The following SUMF1 variants were observed in gnomAD, a reference collection of about 807,000 sequenced individuals.
SUMF1 encodes the protein sulfatase modifying factor 1.
SUMF1 carries 48 observed loss-of-function variants against 47.6 expected under a neutral mutation model. The ratio of observed to expected loss-of-function variants is 1.01; its 90% CI spans 0.80 to 1.28. The LOEUF (loss-of-function observed/expected upper bound fraction) is 1.28, where lower values mean the gene tolerates loss of function less well. Among genes scored for constraint, SUMF1 ranks in the 50% most tolerant of loss-of-function variants. The pLI, the probability that SUMF1 is intolerant of heterozygous loss-of-function variation, is 0.00. For missense variants in SUMF1, 571 were observed against 485.4 expected, an observed-to-expected ratio of 1.18 and a Z score of -1.66; for synonymous variants, 230 against 192.1, an observed-to-expected ratio of 1.20 and a Z score of -1.63.
At chr3:4,130,844 C>A (rs956199264) in intron 8 of SUMF1, among the ~76,000 whole-genome samples, 2 of 152,102 alleles carry the variant, frequency 1.3e-5, no homozygotes, top group African/African-American at 2.4e-5. Context: ...GGGTCCAGAA[C>A]AAGAGAAGGC....
intron 8 of SUMF1, among the ~76,000 whole-genome samples, chr3:4,162,975 C>A (rs1694613040): frequency 6.6e-6 from 1 of 151,846 alleles, no homozygotes. Flanking sequence ...GAACTACAAA[C>A]TCATCACGTT....
chr3:4,437,307 A>G (rs986439217), intron 3 of SUMF1, among the ~76,000 whole-genome samples: 1 of 152,210 alleles, frequency 6.6e-6, no homozygotes, highest in African/African-American at 2.4e-5. Flanking sequence ...TTCAACAGAA[A>G]AGTTAATGGA....
At chr3:4,449,435 T>C (rs902887080) in intron 2 of SUMF1, 95 bp from the exon 3 acceptor site, 1 of 1,244,130 alleles carries the variant, frequency 8.0e-7, no homozygotes, top group Non-Finnish European at 1.2e-6. Flanking sequence ...GTGATTCCTC[T>C]TGTCCAATTG....
At position 4,265,801 on chromosome 3, in the gene SUMF1, G is replaced by A. The variant is rs879667443; in HGVS notation, c.1014+110529C>T. 2.6e-5 allele frequency among the ~76,000 whole-genome samples: 4 copies of A among 152,142 alleles called. 1 individual carries two copies. The East Asian group carries it at 7.7e-4, about 29-fold the overall frequency. On this transcript the variant is annotated intron_variant and NMD_transcript_variant, in intron 8 of 12. Coordinates refer to the SUMF1 transcript ENST00000448413. ...TTAGTGTTTTAGACATGAAGTCCTT[G>A]CCTGTGCCTATGTCCTCAATGGTAA...
chr3:4,184,689 C>T (rs1180224477), intron 8 of SUMF1, among the ~76,000 whole-genome samples: 1 of 150,706 alleles, frequency 6.6e-6, no homozygotes, highest in Non-Finnish European at 1.5e-5. Context: ...TGCTCTGCTG[C>T]CCAGGCTAGA....
intron 8 of SUMF1, among the ~76,000 whole-genome samples, chr3:4,332,560 T>G (rs1486462309): frequency 6.6e-6 from 1 of 152,194 alleles, no homozygotes; most frequent in East Asian, 1.9e-4. Context: ...ATGTTTCTAG[T>G]GTATACCGGC....
chr3:4,332,019 T>C (rs147706647), intron 8 of SUMF1, among the ~76,000 whole-genome samples: 1 of 152,324 alleles, frequency 6.6e-6, no homozygotes, highest in Non-Finnish European at 1.5e-5. Context: ...ATTTTTAAAT[T>C]GTCTTAATTT....
At chr3:4,090,096 G>C (rs1216671920) in intron 8 of SUMF1, among the ~76,000 whole-genome samples, 1 of 152,098 alleles carries the variant, frequency 6.6e-6, no homozygotes, top group Non-Finnish European at 1.5e-5. Context: ...ACAGTGCCTG[G>C]CCATAGCAGG....
At chr3:4,143,147 T>C (rs1372946470) in intron 8 of SUMF1, among the ~76,000 whole-genome samples, 4 of 152,150 alleles carry the variant, frequency 2.6e-5, no homozygotes, top group African/African-American at 9.7e-5. Context: ...AGGCAAATTA[T>C]CCCTGGAAAA....
intron 8 of SUMF1, among the ~76,000 whole-genome samples, chr3:4,282,502 C>G (rs571250916): frequency 1.5e-4 from 23 of 152,272 alleles, no homozygotes; most frequent in African/African-American, 5.1e-4. Context: ...CTTATCAGAG[C>G]AAAGAAGTAA....
chr3:4,289,218 C>T (rs886126893), intron 8 of SUMF1, among the ~76,000 whole-genome samples: 1 of 152,218 alleles, frequency 6.6e-6, no homozygotes, highest in African/African-American at 2.4e-5. Context: ...GAAAGAGCAG[C>T]TGGAGGCCAA....
chr3:4,226,610 C>A lies in SUMF1; in HGVS notation c.1014+149720G>T, dbSNP rs139611316. On this transcript the variant is annotated intron_variant and NMD_transcript_variant, in intron 8 of 12. Transcript: ENST00000448413. Reference sequence around the variant, plus strand: ...TCTCCGCAGCACTTATATGAATTAGCTACTATTTGCTATGGTTATTTTATT... The same window carrying A: ...TCTCCGCAGCACTTATATGAATTAGATACTATTTGCTATGGTTATTTTATT... Among the ~76,000 whole-genome samples the A allele has an allele frequency of 3.0e-3, 451 of 152,020 alleles. 3 individuals carry two copies. The highest frequency in any genetic ancestry group is 0.011 in the African/African-American group (441 of 41,490).
chr3:4,187,481 T>G (rs898794004), intron 8 of SUMF1, among the ~76,000 whole-genome samples: 2 of 152,206 alleles, frequency 1.3e-5, no homozygotes, highest in African/African-American at 4.8e-5. Flanking sequence ...TGCCAGGGAC[T>G]ATGTCTTGTT....
intron 3 of SUMF1, among the ~76,000 whole-genome samples, chr3:4,425,729 G>A (rs754015324): frequency 2.6e-5 from 4 of 152,164 alleles, no homozygotes; most frequent in South Asian, 2.1e-4. Flanking sequence ...GAGTGTATTA[G>A]TCCATTCTCA....
chr3:4,320,513 A>G (rs778133073), intron 8 of SUMF1, among the ~76,000 whole-genome samples: 1 of 152,212 alleles, frequency 6.6e-6, no homozygotes, highest in Non-Finnish European at 1.5e-5. Flanking sequence ...AGGAGGAGGC[A>G]GATGGTTGAA....
At chr3:4,338,796 C>A (rs767575422) in intron 8 of SUMF1, among the ~76,000 whole-genome samples, 46 of 151,862 alleles carry the variant, frequency 3.0e-4, no homozygotes, top group Non-Finnish European at 5.7e-4. Context: ...CATATGTATA[C>A]CTAGTACACA....
At chr3:4,348,094 C>G (rs1213567267) in intron 8 of SUMF1, among the ~76,000 whole-genome samples, 1 of 152,142 alleles carries the variant, frequency 6.6e-6, no homozygotes, top group East Asian at 1.9e-4. Flanking sequence ...TGAAAATGGC[C>G]ATAGTGCCCA....
At chr3:4,452,656 G>A (rs952160231) in intron 2 of SUMF1, among the ~76,000 whole-genome samples, 8 of 152,146 alleles carry the variant, frequency 5.3e-5, no homozygotes, top group Non-Finnish European at 1.2e-4. Flanking sequence ...TGTGTGATGT[G>A]GGGCAAATAA....
intron 8 of SUMF1, among the ~76,000 whole-genome samples, chr3:4,070,265 CACCTTGGGT>C (rs900984234): frequency 3.4e-4 from 52 of 152,278 alleles, no homozygotes; most frequent in African/African-American, 1.3e-3. Flanking sequence ...GTACCCCAAC[CACCTTGGGT>C]ACATGTTCTC....
Sources: gnomAD v4.1 joint callset for allele counts (sites outside exome capture counted in the v4.1 genomes callset) on GRCh38, gnomAD v4.1.1 for gene constraint, MANE v1.5 for transcripts, NCBI Gene and HGNC (gene_info 2026-07-23, HGNC 2026-07-21) for gene names.